BMAL1: variants seen among roughly 807,000 people sequenced by gnomAD.
BMAL1 encodes the protein basic helix-loop-helix ARNT like 1, also known as basic helix-loop-helix ARNT-like protein 1.
chr11:13,280,263 A>G, the BMAL1 span, among the ~76,000 whole-genome samples: 6 of 152,364 alleles, frequency 3.9e-5, no homozygotes, highest in Admixed American at 3.9e-4. Context: ...TTTGTCTGCT[A>G]TTTGCAGAAG....
At chr11:13,295,534 A>C in the BMAL1 span, among the ~76,000 whole-genome samples, 1 of 151,860 alleles carries the variant, frequency 6.6e-6, no homozygotes, top group East Asian at 2.0e-4. Context: ...GAGGAGGTGG[A>C]GGAGACCCCT....
the BMAL1 span, among the ~76,000 whole-genome samples, chr11:13,281,496 G>A: frequency 6.6e-6 from 1 of 152,106 alleles, no homozygotes; most frequent in African/African-American, 2.4e-5. Flanking sequence ...ATTCCTGAGT[G>A]GTTGTTCTTG....
At chr11:13,284,250 ATATATATATATATATATT>A in the BMAL1 span, among the ~76,000 whole-genome samples, 1 of 28,264 alleles carries the variant, frequency 3.5e-5, no homozygotes, top group African/African-American at 1.8e-4. Flanking sequence ...ATATATATAT[ATATATATATATATATATT>A]TTTTTTTTTA....
chr11:13,351,960 G>C, the BMAL1 span, among the ~76,000 whole-genome samples: 2 of 152,308 alleles, frequency 1.3e-5, no homozygotes, highest in East Asian at 3.9e-4. Flanking sequence ...TTTTTCCCAA[G>C]ATGGGAGTTA....
the BMAL1 span, chr11:13,326,413 G>C: frequency 6.6e-6 from 1 of 152,218 alleles, no homozygotes; most frequent in Non-Finnish European, 1.5e-5. Flanking sequence ...CCTTCCAAAG[G>C]TTCCGATGTC....
the BMAL1 span, among the ~76,000 whole-genome samples, chr11:13,296,048 A>T: frequency 2.0e-5 from 3 of 152,098 alleles, no homozygotes; most frequent in African/African-American, 7.2e-5. Context: ...TTGGCTGTGG[A>T]CTACCCAGAG....
chr11:13,336,903 C>A, the BMAL1 span, among the ~76,000 whole-genome samples: 1 of 152,130 alleles, frequency 6.6e-6, no homozygotes, highest in Non-Finnish European at 1.5e-5. Flanking sequence ...ATTTCCCTGT[C>A]CTTTGTTACT....
chr11:13,315,377 TC>T, the BMAL1 span, among the ~76,000 whole-genome samples: 2 of 152,172 alleles, frequency 1.3e-5, no homozygotes, highest in Non-Finnish European at 2.9e-5. Flanking sequence ...TCCTCACCAT[TC>T]CCATGCCAGC....
chr11:13,324,067 A>G, the BMAL1 span, among the ~76,000 whole-genome samples: 1 of 152,188 alleles, frequency 6.6e-6, no homozygotes, highest in African/African-American at 2.4e-5. Flanking sequence ...CTCTTACTGT[A>G]TGTCCTGGAA....
At chr11:13,342,305 T>C in the BMAL1 span, among the ~76,000 whole-genome samples, 1 of 152,084 alleles carries the variant, frequency 6.6e-6, no homozygotes, top group East Asian at 1.9e-4. Context: ...AAGTGGGACA[T>C]GAACCTCAGA....
At chr11:13,315,542 T>C in the BMAL1 span, among the ~76,000 whole-genome samples, 11 of 152,158 alleles carry the variant, frequency 7.2e-5, no homozygotes, top group African/African-American at 2.7e-4. Context: ...CCTCGACCCA[T>C]TGAGTAGGTG....
chr11:13,285,730 A>C, the BMAL1 span, among the ~76,000 whole-genome samples: 1 of 152,192 alleles, frequency 6.6e-6, no homozygotes, highest in Non-Finnish European at 1.5e-5. Flanking sequence ...CCCTGAGCCC[A>C]GTGTTAGGAA....
the BMAL1 span, among the ~76,000 whole-genome samples, chr11:13,309,471 T>G: frequency 6.6e-6 from 1 of 152,174 alleles, no homozygotes; most frequent in Non-Finnish European, 1.5e-5. Flanking sequence ...TCCTTCCTGT[T>G]AAACCATTGC....
the BMAL1 span, among the ~76,000 whole-genome samples, chr11:13,309,635 G>A: frequency 1.3e-5 from 2 of 152,174 alleles, no homozygotes. Context: ...AGTGCCCGTA[G>A]TGTTCTAGGC....
At chr11:13,278,382 G>T in the BMAL1 span, among the ~76,000 whole-genome samples, 1 of 152,228 alleles carries the variant, frequency 6.6e-6, no homozygotes, top group African/African-American at 2.4e-5. Context: ...GGAGCTTCGG[G>T]GATCCCCGAG....
chr11:13,365,742 A>C, the BMAL1 span: 2 of 605,934 alleles, frequency 3.3e-6, no homozygotes, highest in Non-Finnish European at 5.7e-6. Context: ...ATTTAGACTT[A>C]GAACAATCTT....
At chr11:13,277,828 G>C in the BMAL1 span, 1 of 152,352 alleles carries the variant, frequency 6.6e-6, no homozygotes, top group Non-Finnish European at 1.5e-5. Flanking sequence ...AGTAGGTCAG[G>C]GACGGAGGTG....
chr11:13,313,458 C>T, the BMAL1 span, among the ~76,000 whole-genome samples: 1 of 152,304 alleles, frequency 6.6e-6, no homozygotes, highest in East Asian at 1.9e-4. Flanking sequence ...TGTCTGTCCC[C>T]TCCTGAGTGC....
At chr11:13,294,468 ACT>A in the BMAL1 span, among the ~76,000 whole-genome samples, 22 of 152,290 alleles carry the variant, frequency 1.4e-4, no homozygotes, top group African/African-American at 5.3e-4. Flanking sequence ...ACAAATTAAC[ACT>A]CTCAAGCCAA....
Sources: gnomAD v4.1 joint callset for allele counts (sites outside exome capture counted in the v4.1 genomes callset) on GRCh38, gnomAD v4.1.1 for gene constraint, MANE v1.5 for transcripts, NCBI Gene and HGNC (gene_info 2026-07-23, HGNC 2026-07-21) for gene names.